CCT4: variants seen among roughly 807,000 people sequenced by gnomAD.
CCT4 encodes chaperonin containing TCP1 subunit 4, also known as T-complex protein 1 subunit delta.
CCT4 carries 17 observed loss-of-function variants against 62.5 expected under a neutral mutation model. The observed-to-expected ratio is 0.27, with a 90% confidence interval of 0.19 to 0.41. The LOEUF (loss-of-function observed/expected upper bound fraction) is 0.41, where lower values mean the gene tolerates loss of function less well. CCT4 is among the 10% of genes least tolerant of loss of function. CCT4 has a pLI of 1.00. For missense variants in CCT4, 592 were observed against 659.2 expected (o/e 0.90, Z 1.12); for synonymous variants, 250 against 229.9 (o/e 1.09, Z -0.79).
At chr2:61,875,835 A>C (rs11888465) in intron 8 of CCT4, among the ~76,000 whole-genome samples, 1 of 151,914 alleles carries the variant, frequency 6.6e-6, no homozygotes, top group African/African-American at 2.4e-5. Context: ...TTTGTTTAAA[A>C]TGCTTTTCCT....
At position 61,879,019 on chromosome 2, in the gene CCT4, T is replaced by C. The variant is rs1669056679; in HGVS notation, c.380-8A>G. The C allele has an allele frequency of 6.3e-7, 1 of 1,586,910 alleles. No individual in the cohort carries two copies. The highest frequency in any genetic ancestry group is 8.6e-7 in the Non-Finnish European group (1 of 1,169,330). ...TGATGGTTGGATGAATCCCTGTAAT[T>C]TGTGAAAGTCTAGTTATTTAATTGT... On this transcript the variant is annotated splice_region_variant and splice_polypyrimidine_tract_variant and intron_variant, in intron 4 of 13. Coordinates refer to ENST00000394440, the MANE Select transcript of CCT4 (RefSeq NM_006430.4).
rs373144915 is a variant in CCT4, at chr2:61,880,317, G to A, written c.348C>T (p.Leu116=). Residue 116 remains leucine (L), a synonymous_variant, in exon 4 of 14, where the codon CTC becomes CTT. Transcript: ENST00000394440. ...TTSVVIIAGS[L]LDSCTKLLQK... ...GAAGAAGCTTGGTACAAGAATCTAA[G>A]AGGGAGCCAGCAATGATGACTACTG... 8.7e-6 allele frequency: 14 copies of A among 1,602,066 alleles called. No individual in the cohort carries two copies. In the African/African-American group the frequency reaches 9.4e-5, roughly 11 times the overall value.
At chr2:61,884,635 A>AT (rs565889248) in intron 2 of CCT4, among the ~76,000 whole-genome samples, 40 of 142,566 alleles carry the variant, frequency 2.8e-4, no homozygotes, top group South Asian at 1.3e-3. Flanking sequence ...TATTTTATTT[A>AT]TTTTTTTTTT....
intron 10 of CCT4, 30 bp from the exon 11 acceptor site, chr2:61,872,618 T>C (rs761014764): frequency 2.5e-6 from 4 of 1,611,832 alleles, no homozygotes; most frequent in African/African-American, 2.7e-5. Flanking sequence ...AATTAAGTAT[T>C]TGAAGGGTCA....
chr2:61,875,948 C>T, intron 8 of CCT4, 147 bp downstream of exon 8: 1 of 504,600 alleles, frequency 2.0e-6, no homozygotes, highest in Admixed American at 3.7e-5. Flanking sequence ...AATAAAAATT[C>T]TCCATTTCGT....
rs115972550 is a variant in CCT4 at position 61,872,990 on chromosome 2, T to C, written c.1125+12A>G. Reference sequence around the variant, plus strand: ...ACCTAAGCAAATAAAAATTTAAGTGTAATACTGTTACCTTGAGCAGTTTGC... The same window carrying C: ...ACCTAAGCAAATAAAAATTTAAGTGCAATACTGTTACCTTGAGCAGTTTGC... On this transcript the variant is annotated intron_variant, in intron 10 of 13. Coordinates refer to ENST00000394440, the MANE Select transcript of CCT4 (RefSeq NM_006430.4). 4.7e-4 allele frequency: 692 copies of C among 1,458,544 alleles called. 1 individual carries two copies. The African/African-American group carries it at 8.6e-3, about 18-fold the overall frequency. The allele number at this position is 1,458,544 out of a possible 1,614,324, so 90.4% of individuals were successfully genotyped here. A position where few individuals can be genotyped will look rare whatever the true frequency, so the allele number is the denominator to read the frequency against.
Position 61,888,543 on chromosome 2 carries a change from G to T in CCT4, c.-36C>A. 1 of 1,599,638 alleles carries T rather than the reference G, an allele frequency of 6.3e-7. No individual in the cohort carries two copies. Among genetic ancestry groups the T allele is most frequent in the Non-Finnish European group, 8.5e-7 (1 of 1,172,968 alleles). On this transcript the variant is annotated 5_prime_UTR_variant, in exon 1 of 14. Transcript: ENST00000394440. Reference sequence around the variant, plus strand: ...GCTGTGTCTGGGTTGGCTCGGGAAGGACGGATGGACCCGGATTCTGGCCGG... The same window carrying T: ...GCTGTGTCTGGGTTGGCTCGGGAAGTACGGATGGACCCGGATTCTGGCCGG...
chr2:61,883,608 T>C (rs1669165139), intron 2 of CCT4, 60 bp from the exon 3 acceptor site: 2 of 821,208 alleles, frequency 2.4e-6, no homozygotes, highest in Non-Finnish European at 3.9e-6. Flanking sequence ...TTATTAAACT[T>C]TTACATTTCA....
At chr2:61,886,389 G>A (rs1312661276) in intron 1 of CCT4, among the ~76,000 whole-genome samples, 1 of 152,180 alleles carries the variant, frequency 6.6e-6, no homozygotes, top group Non-Finnish European at 1.5e-5. Flanking sequence ...TCCAGCCTGG[G>A]GGACAGAGCA....
At chr2:61,885,938 T>C (rs1049818053) in intron 1 of CCT4, 6 of 152,198 alleles carry the variant, frequency 3.9e-5, no homozygotes, top group Non-Finnish European at 8.8e-5. Context: ...TTGGAGTATT[T>C]CAAATTAGGA....
At chr2:61,888,658 G>A (rs1669323902), upstream of CCT4, 9 of 905,252 alleles carry the variant, frequency 9.9e-6, no homozygotes, top group South Asian at 1.3e-4. Flanking sequence ...GCGGAGAAGG[G>A]GGCCTTCCTT....
In CCT4 at chr2:61,876,410, T is replaced by C. The variant is rs539574800; in HGVS notation, c.778-176A>G. Among the ~76,000 whole-genome samples the C allele has an allele frequency of 2.4e-3, 372 of 152,218 alleles. 1 individual carries two copies. The highest frequency in any genetic ancestry group is 3.1e-3 in the Non-Finnish European group (212 of 68,012). On this transcript the variant is annotated intron_variant, in intron 7 of 13. Coordinates refer to ENST00000394440, the MANE Select transcript of CCT4 (RefSeq NM_006430.4). The stretch of plus-strand genomic sequence containing the variant: ...TTAAGATACACATCCCAAACTTGAG[T>C]CTTTTATTTTCAACTAAGTACACTG...
rs1288085791 is a variant in CCT4, at chr2:61,872,289, T to G, written c.1284A>C (p.Pro428=). ...KRALIAGGGA[P]EIELALRLTE... ...TTAATCGTAGGGCCAACTCTATTTC[T>G]GGAGCACCACCTCCTGCAATAAGAG... Residue 428 remains proline, a synonymous_variant, in exon 12 of 14, where the codon CCA becomes CCC. Transcript: ENST00000394440. 6.2e-7 allele frequency: 1 copy of G among 1,606,348 alleles called. No individual in the cohort carries two copies. The highest frequency in any genetic ancestry group is 1.1e-5 in the South Asian group (1 of 90,138).
At position 61,876,202 on chromosome 2, in the gene CCT4, G is replaced by A; in HGVS notation, c.810C>T (p.Ala270=). 1.9e-6 allele frequency: 3 copies of A among 1,606,666 alleles called. No individual in the cohort carries two copies. Among genetic ancestry groups the A allele is most frequent in the South Asian group, 1.1e-5 (1 of 89,870 alleles). Residue 270 remains alanine, a synonymous_variant, in exon 8 of 14, where the codon GCC becomes GCT. Coordinates refer to ENST00000394440, the MANE Select transcript of CCT4 (RefSeq NM_006430.4). ...MDNQIVVSDY[A]QMDRVLREER... ...CTTCTCGCAGCACTCGGTCCATCTG[G>A]GCATAGTCAGAAACCACTATTTGAT...
intron 13 of CCT4, among the ~76,000 whole-genome samples, chr2:61,869,056 C>G (rs531898969): frequency 6.8e-6 from 1 of 146,516 alleles, no homozygotes; most frequent in African/African-American, 2.5e-5. Context: ...GCAAGAGAAT[C>G]GCTTGAACCC....
At chr2:61,875,074 G>A (rs541906458) in intron 8 of CCT4, among the ~76,000 whole-genome samples, 3 of 151,634 alleles carry the variant, frequency 2.0e-5, no homozygotes, top group African/African-American at 7.3e-5. Context: ...CCCAGGAGGC[G>A]GGGGTTGTGG....
chr2:61,876,471 A>G (rs1385587440), intron 7 of CCT4, among the ~76,000 whole-genome samples: 1 of 152,202 alleles, frequency 6.6e-6, no homozygotes, highest in Non-Finnish European at 1.5e-5. Flanking sequence ...TTTTATAACC[A>G]AAAAATATAA....
intron 12 of CCT4, among the ~76,000 whole-genome samples, chr2:61,870,605 T>C (rs1241627786): frequency 6.6e-6 from 1 of 152,176 alleles, no homozygotes; most frequent in Non-Finnish European, 1.5e-5. Context: ...AAAATGTTCA[T>C]GTCCTTAGCC....
At position 61,878,881 on chromosome 2, in the gene CCT4, T is replaced by G; in HGVS notation, c.510A>C (p.Ser170=). ...RETLLNSATT[S]LNSKVVSQYS... ...GTGTTTGTCTCACCTTTGAGTTCAG[T>G]GAAGTGGTTGCACTATTTAACAAAG... Residue 170 remains serine, a synonymous_variant, in exon 5 of 14, where the codon TCA becomes TCC. Transcript: ENST00000394440. The G allele has an allele frequency of 6.2e-7, 1 of 1,607,618 alleles. No individual in the cohort carries two copies. The highest frequency in any genetic ancestry group is 1.1e-5 in the South Asian group (1 of 89,680).
Sources: gnomAD v4.1 joint callset for allele counts (sites outside exome capture counted in the v4.1 genomes callset) on GRCh38, gnomAD v4.1.1 for gene constraint, MANE v1.5 for transcripts, NCBI Gene and HGNC (gene_info 2026-07-23, HGNC 2026-07-21) for gene names.